NPSR1: variants seen among roughly 807,000 people sequenced by gnomAD.
NPSR1 encodes neuropeptide S receptor.
NPSR1 carries 48 observed loss-of-function variants against 46.9 expected under a neutral mutation model. The observed-to-expected ratio is 1.02, with a 90% confidence interval of 0.81 to 1.30. NPSR1 has a LOEUF of 1.30. Among genes scored for constraint, NPSR1 ranks in the 50% most tolerant of loss-of-function variants. The pLI is 0.00. For missense variants in NPSR1, 450 were observed against 449.5 expected (o/e 1.00, Z -0.01); for synonymous variants, 176 against 168.1 (o/e 1.05, Z -0.36).
chr7:34,834,863 A>G (rs1029481896), intron 6 of NPSR1, among the ~76,000 whole-genome samples: 8 of 152,202 alleles, frequency 5.3e-5, no homozygotes, highest in African/African-American at 1.9e-4. Flanking sequence ...GAATTTTCAG[A>G]TACATAAAGC....
At chr7:34,684,129 G>T (rs1167300655) in intron 1 of NPSR1, among the ~76,000 whole-genome samples, 1 of 152,040 alleles carries the variant, frequency 6.6e-6, no homozygotes, top group African/African-American at 2.4e-5. Flanking sequence ...AGTCTTCATG[G>T]TTGTCATTGT....
intron 8 of NPSR1, among the ~76,000 whole-genome samples, chr7:34,867,889 T>C (rs1196341456): frequency 6.6e-6 from 1 of 151,748 alleles, no homozygotes; most frequent in Non-Finnish European, 1.5e-5. Flanking sequence ...AATAAAGTAA[T>C]AAGGTATGCC....
At chr7:34,694,633 C>T (rs956044857) in intron 2 of NPSR1, among the ~76,000 whole-genome samples, 1 of 152,202 alleles carries the variant, frequency 6.6e-6, no homozygotes, top group Non-Finnish European at 1.5e-5. Context: ...TATCATATTA[C>T]AAATGCCATT....
chr7:34,844,173 C>T (rs187064958), intron 6 of NPSR1, among the ~76,000 whole-genome samples: 69 of 152,332 alleles, frequency 4.5e-4, no homozygotes, highest in African/African-American at 1.7e-3. Flanking sequence ...CCTGCCTAGC[C>T]TAATCTTATC....
At chr7:34,789,081 T>G (rs1477983657) in intron 3 of NPSR1, among the ~76,000 whole-genome samples, 3 of 151,688 alleles carry the variant, frequency 2.0e-5, no homozygotes, top group Non-Finnish European at 4.4e-5. Context: ...AAAGCAAAAA[T>G]TTAAAATATC....
chr7:34,723,000 T>C (rs998227763), intron 2 of NPSR1, among the ~76,000 whole-genome samples: 1 of 152,182 alleles, frequency 6.6e-6, no homozygotes, highest in East Asian at 1.9e-4. Context: ...CCCAGCCAAA[T>C]TGCAAACAGA....
intron 4 of NPSR1, among the ~76,000 whole-genome samples, chr7:34,821,289 C>T (rs1215734573): frequency 6.6e-6 from 1 of 151,990 alleles, no homozygotes; most frequent in Non-Finnish European, 1.5e-5. Context: ...TGTGCATCAC[C>T]ACGCCTAATT....
intron 2 of NPSR1, among the ~76,000 whole-genome samples, chr7:34,747,734 G>T (rs1785282291): frequency 6.6e-6 from 1 of 152,176 alleles, no homozygotes; most frequent in South Asian, 2.1e-4. Context: ...ACACTTAATT[G>T]ACTGCAATTA....
intron 3 of NPSR1, chr7:34,779,981 T>C (rs1261462200): frequency 6.6e-6 from 1 of 152,640 alleles, no homozygotes; most frequent in Non-Finnish European, 1.5e-5. Context: ...ATCACTCACA[T>C]AGGTGGTAAA....
chr7:34,793,101 A>T (rs1165104624), intron 3 of NPSR1, among the ~76,000 whole-genome samples: 1 of 151,818 alleles, frequency 6.6e-6, no homozygotes, highest in Non-Finnish European at 1.5e-5. Context: ...CTGAAGTGAG[A>T]GGATTGCTTG....
chr7:34,846,415 T>C (rs926621804), intron 7 of NPSR1, among the ~76,000 whole-genome samples: 1 of 152,138 alleles, frequency 6.6e-6, no homozygotes, highest in African/African-American at 2.4e-5. Flanking sequence ...ATAAAATGCC[T>C]ACTTATACTA....
At chr7:34,864,390 A>C (rs1461176937) in intron 8 of NPSR1, among the ~76,000 whole-genome samples, 1 of 151,686 alleles carries the variant, frequency 6.6e-6, no homozygotes. Flanking sequence ...AAAAAGAAAA[A>C]AAAAAGACAC....
intron 4 of NPSR1, among the ~76,000 whole-genome samples, chr7:34,822,919 T>C (rs891171440): frequency 1.3e-5 from 2 of 152,144 alleles, no homozygotes; most frequent in African/African-American, 2.4e-5. Context: ...ATTTAAATTA[T>C]TTATGTAAAT....
intron 2 of NPSR1, among the ~76,000 whole-genome samples, chr7:34,752,450 G>T (rs566611714): frequency 9.3e-4 from 141 of 152,238 alleles, no homozygotes; most frequent in African/African-American, 3.3e-3. Context: ...GAATTCCTTT[G>T]TTATTTTGTC....
rs748353190 is a variant in NPSR1, at chr7:34,844,923, G to A, written c.785G>A (p.Arg262Gln). The A allele has an allele frequency of 5.0e-6, 8 of 1,611,924 alleles. No individual in the cohort carries two copies. The highest frequency in any genetic ancestry group is 2.2e-5 in the East Asian group (1 of 44,860). Residue 262 changes from arginine to glutamine, a missense_variant, in exon 7 of 9, where the codon CGA becomes CAA. Transcript: ENST00000360581. ...SDGKLCSSYN[R>Q]GLISKAKIKA... ...GGGAAACTGTGCAGCAGCTATAACC[G>A]AGGACTCATCTCAAAGGCAAAAATC...
At chr7:34,700,798 G>C (rs186065401) in intron 2 of NPSR1, among the ~76,000 whole-genome samples, 34 of 152,242 alleles carry the variant, frequency 2.2e-4, no homozygotes, top group Non-Finnish European at 8.8e-5. Context: ...TCCAAAAAAT[G>C]GGAATACCTC....
chr7:34,709,353 A>T (rs1794271825), intron 2 of NPSR1, among the ~76,000 whole-genome samples: 1 of 152,208 alleles, frequency 6.6e-6, no homozygotes. Flanking sequence ...CTCAATTTTA[A>T]TAATTAAGAG....
intron 2 of NPSR1, among the ~76,000 whole-genome samples, chr7:34,721,841 T>C (rs1291835351): frequency 6.6e-6 from 1 of 152,146 alleles, no homozygotes; most frequent in African/African-American, 2.4e-5. Flanking sequence ...AATGGAGAGT[T>C]GGAACAGAAT....
At chr7:34,793,686 A>T (rs532078240) in intron 3 of NPSR1, among the ~76,000 whole-genome samples, 2 of 152,112 alleles carry the variant, frequency 1.3e-5, no homozygotes, top group Non-Finnish European at 2.9e-5. Context: ...TTAAAAATTG[A>T]ACTGCCATAT....
Sources: gnomAD v4.1 joint callset for allele counts (sites outside exome capture counted in the v4.1 genomes callset) on GRCh38, gnomAD v4.1.1 for gene constraint, MANE v1.5 for transcripts, NCBI Gene and HGNC (gene_info 2026-07-23, HGNC 2026-07-21) for gene names.